MALRD1: variants seen among roughly 807,000 people sequenced by gnomAD.
MALRD1 encodes MAM and LDL receptor class A domain containing 1.
Under a neutral mutation model 242.1 loss-of-function variants are expected in MALRD1, and 247 were observed. That is an observed-to-expected ratio of 1.02 (90% CI 0.92 to 1.13). The LOEUF is 1.13. MALRD1 is among the 50% of genes most tolerant of loss of function. The pLI is 0.00. For synonymous variants in MALRD1, 995 were observed against 866.6 expected (o/e 1.15, Z -2.60); for missense variants, 2,989 against 2,533.1 (o/e 1.18, Z -3.86).
chr10:19,301,789 A>C (rs1475436947), intron 21 of MALRD1, among the ~76,000 whole-genome samples: 2 of 151,772 alleles, frequency 1.3e-5, no homozygotes, highest in African/African-American at 4.8e-5. Context: ...TGACAAAATA[A>C]TTTGTACATC....
intron 32 of MALRD1, among the ~76,000 whole-genome samples, chr10:19,553,085 A>G (rs1229171051): frequency 6.6e-6 from 1 of 152,122 alleles, no homozygotes; most frequent in Non-Finnish European, 1.5e-5. Flanking sequence ...TAAAAGTCCT[A>G]AGAGGACTAT....
Position 19,286,523 on chromosome 10 carries a change from G to C in MALRD1, c.3419+3342G>C, listed in dbSNP as rs1175739105. Among the ~76,000 whole-genome samples the C allele has an allele frequency of 6.6e-5, 10 of 152,244 alleles. No individual in the cohort carries two copies. In the South Asian group the frequency reaches 1.9e-3, roughly 28 times the overall value. ...CTATTGAGATAATCATGTGGTTTTT[G>C]TCTTTGGCTCTGTTTATATGCTACA... is the stretch of plus-strand genomic sequence containing the variant. On this transcript the variant is annotated intron_variant, in intron 21 of 39. Transcript: ENST00000454679.
chr10:19,204,404 T>C lies in MALRD1; in HGVS notation c.2201T>C (p.Leu734Pro). 1 of 1,541,740 alleles carries C rather than the reference T, an allele frequency of 6.5e-7. No homozygotes were observed. The highest frequency in any genetic ancestry group is 8.8e-7 in the Non-Finnish European group (1 of 1,142,710). Residue 734 changes from leucine (L) to proline (P), a missense_variant, in exon 16 of 40, where the codon CTT (leucine) becomes CCT (proline). Leu to Pro is a moderately conservative substitution (Grantham distance 98). Transcript: ENST00000454679. The stretch of plus-strand genomic sequence containing the variant: ...AGCCAGACAGGACCTGGATGCATAC[T>C]TTCCTTCTGGTAAATATTAAACAAA... The part of the protein sequence containing the change: ...TFSQTGPGCI[L>P]SFWFYNYGLS...
At chr10:19,596,765 AAGAAAGAG>A (rs1838120072) in intron 34 of MALRD1, among the ~76,000 whole-genome samples, 1 of 151,650 alleles carries the variant, frequency 6.6e-6, no homozygotes, top group Admixed American at 6.6e-5. Context: ...AAAAGAACGA[AAGAAAGAG>A]AGAAAGAGAG....
chr10:19,278,483 A>ATCCG (rs1315242768), intron 19 of MALRD1, among the ~76,000 whole-genome samples: 1 of 151,338 alleles, frequency 6.6e-6, no homozygotes. Context: ...CCATCCATCC[A>ATCCG]TCTATCCATC....
At chr10:19,592,640 TA>T (rs1479345276) in intron 33 of MALRD1, among the ~76,000 whole-genome samples, 6 of 151,900 alleles carry the variant, frequency 3.9e-5, no homozygotes, top group Non-Finnish European at 8.8e-5. Context: ...TGCCATTCAG[TA>T]AAAAAAATTT....
In MALRD1 at chr10:19,205,035, G is replaced by A. The variant is rs1448727005; in HGVS notation, c.2348G>A (p.Arg783His). 16 of 1,550,642 alleles carry A rather than the reference G, an allele frequency of 1.0e-5. No homozygotes were observed. The highest frequency in any genetic ancestry group is 3.9e-5 in the Admixed American group (2 of 50,970). ...TTGGAGGCAACCATTCAGCTAGGGC[G>A]CCTTTCGCAGCCCTTCCATTTGTCA... ...QWLEATIQLG[R>H]LSQPFHLSLD... The change falls in exon 17 of 40, where the codon CGC becomes CAC. Residue 783 changes from arginine to histidine, a missense_variant. Transcript: ENST00000454679.
Position 19,122,777 on chromosome 10 carries a change from G to A in MALRD1, c.695-715G>A, listed in dbSNP as rs150001438. Among the ~76,000 whole-genome samples the A allele has an allele frequency of 1.4e-4, 22 of 152,238 alleles. No individual in the cohort carries two copies. In the East Asian group the frequency reaches 4.3e-3, roughly 29 times the overall value. ...GTCTCACTCTGTCACCCAGGGTGGAGTGAAGTGGCGTGATCTTTGCTCACT... is the reference window on the plus strand; with the variant it reads ...GTCTCACTCTGTCACCCAGGGTGGAATGAAGTGGCGTGATCTTTGCTCACT... On this transcript the variant is annotated intron_variant, in intron 5 of 39. Coordinates refer to ENST00000454679, the MANE Select transcript of MALRD1 (RefSeq NM_001142308.3).
intron 24 of MALRD1, among the ~76,000 whole-genome samples, chr10:19,338,375 T>C (rs1843699685): frequency 6.6e-6 from 1 of 152,140 alleles, no homozygotes; most frequent in Non-Finnish European, 1.5e-5. Flanking sequence ...TGATCCTGTC[T>C]CCATAGTTTT....
At chr10:19,289,979 A>G (rs576523316) in intron 21 of MALRD1, among the ~76,000 whole-genome samples, 1 of 152,306 alleles carries the variant, frequency 6.6e-6, no homozygotes, top group South Asian at 2.1e-4. Context: ...AAAAAAACCC[A>G]CAATAATATA....
intron 26 of MALRD1, among the ~76,000 whole-genome samples, chr10:19,375,683 A>G (rs571827486): frequency 1.3e-5 from 2 of 152,204 alleles, no homozygotes; most frequent in Admixed American, 6.5e-5. Context: ...GTTCCTTGTT[A>G]TAAGGAGAGA....
At chr10:19,463,535 T>A (rs1836051605) in intron 29 of MALRD1, among the ~76,000 whole-genome samples, 2 of 149,650 alleles carry the variant, frequency 1.3e-5, no homozygotes, top group Admixed American at 6.7e-5. Context: ...ACTAATTCGT[T>A]CCCTTTCGTG....
At chr10:19,643,737 C>T (rs1253425891) in intron 36 of MALRD1, among the ~76,000 whole-genome samples, 1 of 152,092 alleles carries the variant, frequency 6.6e-6, no homozygotes, top group Non-Finnish European at 1.5e-5. Context: ...TGTCCCCTTC[C>T]TTGAAGCATG....
intron 35 of MALRD1, among the ~76,000 whole-genome samples, chr10:19,613,098 C>G (rs1392251052): frequency 1.3e-5 from 2 of 151,924 alleles, no homozygotes; most frequent in African/African-American, 4.8e-5. Context: ...AAATGTTTTC[C>G]CTGTCTCTGC....
chr10:19,403,888 G>A (rs2130861889), intron 28 of MALRD1, among the ~76,000 whole-genome samples: 1 of 152,120 alleles, frequency 6.6e-6, no homozygotes, highest in East Asian at 1.9e-4. Flanking sequence ...TACTTTGGTG[G>A]CTTCATTAGA....
In MALRD1 at chr10:19,267,607, G is replaced by A. The variant is rs74121425; in HGVS notation, c.3079+9836G>A. Among the ~76,000 whole-genome samples, 1,470 of 152,072 alleles carry A rather than the reference G, an allele frequency of 9.7e-3. 27 individuals are homozygous for A. The highest frequency in any genetic ancestry group is 0.032 in the African/African-American group (1,324 of 41,496). On this transcript the variant is annotated intron_variant, in intron 19 of 39. Coordinates refer to ENST00000454679, the MANE Select transcript of MALRD1 (RefSeq NM_001142308.3). ...CAAGGGGAACAGTGTCAATACTATT[G>A]GCTTTACTTTTAAGATATCACCTGC... is the stretch of plus-strand genomic sequence containing the variant.
Position 19,465,247 on chromosome 10 carries a change from T to C in MALRD1, c.5029+14757T>C, listed in dbSNP as rs141483914. On this transcript the variant is annotated intron_variant, in intron 29 of 39. Coordinates refer to ENST00000454679, the MANE Select transcript of MALRD1 (RefSeq NM_001142308.3). ...TCTAGCTAGGGCTTCCAGTACTCTGTTGAATAGAAGTGGTGAGAGTGGGCA... is the reference window on the plus strand; with the variant it reads ...TCTAGCTAGGGCTTCCAGTACTCTGCTGAATAGAAGTGGTGAGAGTGGGCA... Among the ~76,000 whole-genome samples the C allele has an allele frequency of 3.1e-3, 467 of 152,270 alleles. 2 individuals are homozygous for C. Among genetic ancestry groups the C allele is most frequent in the African/African-American group, 0.011 (446 of 41,564 alleles).
intron 31 of MALRD1, 110 bp from the exon 32 acceptor site, chr10:19,531,084 G>T: frequency 2.4e-6 from 2 of 839,766 alleles, no homozygotes; most frequent in Non-Finnish European, 1.7e-6. Context: ...AGTTCTGTTT[G>T]ATTGTGTGTA....
At chr10:19,323,381 A>G (rs965559974) in intron 21 of MALRD1, among the ~76,000 whole-genome samples, 1 of 152,168 alleles carries the variant, frequency 6.6e-6, no homozygotes, top group Non-Finnish European at 1.5e-5. Flanking sequence ...TTGCAAAAAT[A>G]TCAACCAAGT....
Sources: gnomAD v4.1 joint callset for allele counts (sites outside exome capture counted in the v4.1 genomes callset) on GRCh38, gnomAD v4.1.1 for gene constraint, MANE v1.5 for transcripts, NCBI Gene and HGNC (gene_info 2026-07-23, HGNC 2026-07-21) for gene names.